The following MTFR1 variants were observed in gnomAD, a reference collection of about 807,000 sequenced individuals.
The protein encoded by MTFR1 is mitochondrial fission regulator 1, also known as chondrocyte protein with a poly-proline region.
MTFR1 carries 28 observed loss-of-function variants against 38.8 expected under a neutral mutation model. The ratio of observed to expected loss-of-function variants is 0.72; its 90% CI spans 0.53 to 0.99. MTFR1 has a LOEUF of 0.99. Among genes scored for constraint, MTFR1 ranks in the 50% least tolerant of loss-of-function variants. The pLI is 0.00. For missense variants in MTFR1, 358 were observed against 395.5 expected, an observed-to-expected ratio of 0.91 and a Z score of 0.81; for synonymous variants, 145 against 137.0, an observed-to-expected ratio of 1.06 and a Z score of -0.41.
At chr8:65,698,598 G>T (rs959745429) in intron 4 of MTFR1, among the ~76,000 whole-genome samples, 2 of 152,122 alleles carry the variant, frequency 1.3e-5, no homozygotes, top group Non-Finnish European at 2.9e-5. Context: ...TTAGTTACAT[G>T]GGTAAATTGC....
At chr8:65,715,728 G>GTT (rs1806106821) in intron 2 of MTFR1, among the ~76,000 whole-genome samples, 1 of 145,328 alleles carries the variant, frequency 6.9e-6, no homozygotes, top group African/African-American at 2.5e-5. Flanking sequence ...GCTCACGCCT[G>GTT]TAATCCCAGC....
chr8:65,736,646 G>A (rs1285800818), intron 3 of MTFR1, among the ~76,000 whole-genome samples: 1 of 151,992 alleles, frequency 6.6e-6, no homozygotes, highest in Non-Finnish European at 1.5e-5. Context: ...AGCTACTCGG[G>A]AGGCTGAGGT....
chr8:65,688,723 G>A (rs1430789708), intron 3 of MTFR1, among the ~76,000 whole-genome samples: 3 of 151,840 alleles, frequency 2.0e-5, no homozygotes, highest in East Asian at 4.0e-4. Flanking sequence ...GGGATTACAG[G>A]CGTAAGCCAC....
Position 65,687,161 on chromosome 8 carries a change from A to G in MTFR1, c.165+4710A>G, listed in dbSNP as rs189089239. Among the ~76,000 whole-genome samples the G allele has an allele frequency of 1.6e-3, 238 of 152,260 alleles. 1 individual carries two copies. Among genetic ancestry groups the G allele is most frequent in the Admixed American group, 2.4e-3 (36 of 15,290 alleles). ...GTTCACTTAAAATAGTGACCATGCA[A>G]GAGATACATTTACAACATGGTGACT... On this transcript the variant is annotated intron_variant, in intron 3 of 7. Coordinates refer to ENST00000262146, the MANE Select transcript of MTFR1 (RefSeq NM_014637.4).
At chr8:65,763,364 G>A (rs1008000058) in intron 3 of MTFR1, among the ~76,000 whole-genome samples, 1 of 152,050 alleles carries the variant, frequency 6.6e-6, no homozygotes, top group Non-Finnish European at 1.5e-5. Context: ...TCAGAAGTTC[G>A]AGACCAGCCT....
intron 4 of MTFR1, 50 bp from the exon 5 acceptor site, chr8:65,704,644 C>T: frequency 4.0e-6 from 6 of 1,490,656 alleles, no homozygotes; most frequent in Non-Finnish European, 5.6e-6. Flanking sequence ...GATGGTGTTT[C>T]ACGTTCTCTT....
At chr8:65,770,961 A>G in exon 4 of MTFR1, 1 of 274,590 alleles carries the variant, frequency 3.6e-6, no homozygotes. Flanking sequence ...GACTCGTTAA[A>G]GTCAGAACCT....
chr8:65,721,355 T>C (rs1300541014), intron 3 of MTFR1, among the ~76,000 whole-genome samples: 1 of 152,176 alleles, frequency 6.6e-6, no homozygotes, highest in Non-Finnish European at 1.5e-5. Flanking sequence ...GCCCCTATGT[T>C]GGGGAGTAGT....
At position 65,707,056 on chromosome 8, in the gene MTFR1, A is replaced by AACC; in HGVS notation, c.564_565insACC (p.Pro188_Pro189insThr). The AACC allele has an allele frequency of 6.4e-7, 1 of 1,574,358 alleles. No homozygotes were observed. Among genetic ancestry groups the AACC allele is most frequent in the Non-Finnish European group, 8.7e-7 (1 of 1,153,960 alleles). On this transcript the variant is annotated inframe_insertion, in exon 6 of 8. Coordinates refer to ENST00000262146, the MANE Select transcript of MTFR1 (RefSeq NM_014637.4). ...TTGGTACCATACCACCACACCCTCC[A>AACC]CCTCCCCCACCGCCCCTGCCTCCCC... is the stretch of plus-strand genomic sequence containing the variant.
intron 3 of MTFR1, among the ~76,000 whole-genome samples, chr8:65,763,888 C>T (rs1808635819): frequency 6.6e-6 from 1 of 152,162 alleles, no homozygotes; most frequent in South Asian, 2.1e-4. Context: ...AGGTCCAATA[C>T]GTATCGGTCA....
intron 1 of MTFR1, among the ~76,000 whole-genome samples, chr8:65,648,639 C>T (rs66773449): frequency 0.19 from 29,188 of 151,958 alleles, 2,960 homozygotes; most frequent in Middle Eastern, 0.23. Flanking sequence ...CCGACTCCAC[C>T]GGGAGATATC....
At chr8:65,719,093 T>A in intron 2 of MTFR1, 1 of 583,886 alleles carries the variant, frequency 1.7e-6, no homozygotes, top group Admixed American at 3.0e-5. Context: ...CAAATTCATA[T>A]TGCTGTATGT....
chr8:65,657,106 T>C (rs1218749224), intron 1 of MTFR1, among the ~76,000 whole-genome samples: 4 of 151,372 alleles, frequency 2.6e-5, no homozygotes, highest in Admixed American at 2.0e-4. Flanking sequence ...ATCCGCCTCC[T>C]GAGTTCAAGT....
At chr8:65,763,866 G>A (rs1040738005) in intron 3 of MTFR1, among the ~76,000 whole-genome samples, 1 of 152,214 alleles carries the variant, frequency 6.6e-6, no homozygotes, top group Non-Finnish European at 1.5e-5. Context: ...CCATTAAACT[G>A]TATTAAGATT....
downstream of MTFR1, among the ~76,000 whole-genome samples, chr8:65,715,020 C>CT (rs1369319598): frequency 6.6e-6 from 1 of 152,034 alleles, no homozygotes; most frequent in Non-Finnish European, 1.5e-5. Context: ...CTCCAAGGAC[C>CT]TTTTACTCCT....
chr8:65,673,374 A>T (rs1238085327), intron 2 of MTFR1, among the ~76,000 whole-genome samples: 1 of 150,812 alleles, frequency 6.6e-6, no homozygotes, highest in Non-Finnish European at 1.5e-5. Flanking sequence ...ACCACTGATC[A>T]TGATCACCAT....
intron 3 of MTFR1, chr8:65,739,567 A>G: frequency 6.4e-7 from 1 of 1,558,474 alleles, no homozygotes; most frequent in Non-Finnish European, 8.6e-7. Context: ...AAGACTAAAT[A>G]AATGAAAGGT....
intron 3 of MTFR1, among the ~76,000 whole-genome samples, chr8:65,752,971 T>G (rs1808038781): frequency 6.6e-6 from 1 of 152,232 alleles, no homozygotes; most frequent in Non-Finnish European, 1.5e-5. Context: ...ATTTTCTGAT[T>G]CTGAATGTAC....
downstream of MTFR1, among the ~76,000 whole-genome samples, chr8:65,774,108 T>C (rs184214619): frequency 4.0e-4 from 61 of 152,268 alleles, no homozygotes; most frequent in Middle Eastern, 0.017. Flanking sequence ...CCCTCCCATC[T>C]CCTCAAGCCA....
Sources: gnomAD v4.1 joint callset for allele counts (sites outside exome capture counted in the v4.1 genomes callset) on GRCh38, gnomAD v4.1.1 for gene constraint, MANE v1.5 for transcripts, NCBI Gene and HGNC (gene_info 2026-07-23, HGNC 2026-07-21) for gene names.